PLXDC2: variants seen among roughly 807,000 people sequenced by gnomAD.
PLXDC2 encodes plexin domain containing 2.
PLXDC2 carries 40 observed loss-of-function variants against 68.9 expected under a neutral mutation model. That is an observed-to-expected ratio of 0.58 (90% CI 0.45 to 0.76). The LOEUF (loss-of-function observed/expected upper bound fraction) is 0.76. Among genes scored for constraint, PLXDC2 ranks in the 30% least tolerant of loss-of-function variants. PLXDC2 has a pLI of 0.00. For synonymous variants in PLXDC2, 243 were observed against 234.2 expected (o/e 1.04, Z -0.34); for missense variants, 644 against 661.9 (o/e 0.97, Z 0.30).
chr10:19,894,671 G>A (rs1716237077), intron 1 of PLXDC2, among the ~76,000 whole-genome samples: 1 of 151,760 alleles, frequency 6.6e-6, no homozygotes, highest in Non-Finnish European at 1.5e-5. Context: ...TAAAGTTCTG[G>A]CATACAAATG....
Position 20,156,137 on chromosome 10 carries a change from A to G in PLXDC2, c.783+8235A>G, listed in dbSNP as rs143121114. ...TTTAAGTCCCAAGCCATGTTTAGAT[A>G]AGTTTCCTTATCTAGCTATTGTCCC... On this transcript the variant is annotated intron_variant, in intron 6 of 13. Transcript: ENST00000377252. Among the ~76,000 whole-genome samples, 78 of 152,178 alleles carry G rather than the reference A, an allele frequency of 5.1e-4. 3 individuals are homozygous for G. The East Asian group carries it at 0.013, about 25-fold the overall frequency.
intron 1 of PLXDC2, among the ~76,000 whole-genome samples, chr10:19,910,074 T>C (rs1833238821): frequency 6.6e-6 from 1 of 152,066 alleles, no homozygotes; most frequent in African/African-American, 2.4e-5. Context: ...GGTGATGTTA[T>C]AATTTTTGAA....
chr10:20,050,957 C>T (rs1353099632), intron 3 of PLXDC2, among the ~76,000 whole-genome samples: 1 of 152,014 alleles, frequency 6.6e-6, no homozygotes, highest in Non-Finnish European at 1.5e-5. Flanking sequence ...CAGCACTATT[C>T]ACAAAAGCAA....
rs780691335 is a variant in PLXDC2 at position 20,147,915 on chromosome 10, T to C, written c.783+13T>C. 13 of 1,547,078 alleles carry C rather than the reference T, an allele frequency of 8.4e-6. No individual in the cohort carries two copies. In the South Asian group the frequency reaches 1.2e-4, roughly 15 times the overall value. ...TGGATACAAAGAAGTAAGTGATGCG[T>C]TGATAATTTCTTTCCCTTCCCCTTG... On this transcript the variant is annotated intron_variant, in intron 6 of 13. Transcript: ENST00000377252.
chr10:19,817,633 C>T (rs986342281), intron 1 of PLXDC2, among the ~76,000 whole-genome samples: 3 of 152,164 alleles, frequency 2.0e-5, no homozygotes, highest in Non-Finnish European at 2.9e-5. Context: ...CAGGTCTCCC[C>T]TCTGCACGAG....
At chr10:19,874,118 C>A (rs1321901875) in intron 1 of PLXDC2, among the ~76,000 whole-genome samples, 1 of 152,188 alleles carries the variant, frequency 6.6e-6, no homozygotes, top group East Asian at 1.9e-4. Context: ...TTCAGCAACA[C>A]TTACGATCAC....
intron 4 of PLXDC2, among the ~76,000 whole-genome samples, chr10:20,108,035 C>T (rs1185044002): frequency 1.3e-5 from 2 of 152,116 alleles, no homozygotes; most frequent in African/African-American, 4.8e-5. Flanking sequence ...GACTCCTTTA[C>T]ATAGATATCA....
intron 12 of PLXDC2, among the ~76,000 whole-genome samples, chr10:20,234,996 C>T (rs1335915943): frequency 1.3e-5 from 2 of 152,292 alleles, no homozygotes; most frequent in Middle Eastern, 3.4e-3. Flanking sequence ...TCCAAAGAAG[C>T]TGCTTACAGA....
chr10:19,994,312 A>ATTTTTTTTTTTTT (rs869124443), intron 1 of PLXDC2, among the ~76,000 whole-genome samples: 63 of 34,314 alleles, frequency 1.8e-3, no homozygotes, highest in Non-Finnish European at 2.6e-3. Context: ...ACATGATTAA[A>ATTTTTTTTTTTTT]TTTTTTTTTT....
At position 20,110,281 on chromosome 10, in the gene PLXDC2, G is replaced by T. The variant is rs182167822; in HGVS notation, c.542-33014G>T. On this transcript the variant is annotated intron_variant, in intron 4 of 13. Coordinates refer to ENST00000377252, the MANE Select transcript of PLXDC2 (RefSeq NM_032812.9). ...AATGAAGAATAGAAGGCCTGCCCTT[G>T]CCTATCCTGGAGAGAAGACAGGATA... is the stretch of plus-strand genomic sequence containing the variant. Among the ~76,000 whole-genome samples, 9 of 152,230 alleles carry T rather than the reference G, an allele frequency of 5.9e-5. No individual in the cohort carries two copies. The East Asian group carries it at 1.2e-3, about 20-fold the overall frequency.
intron 4 of PLXDC2, among the ~76,000 whole-genome samples, chr10:20,085,917 A>G (rs1264635511): frequency 1.3e-5 from 2 of 152,260 alleles, no homozygotes; most frequent in African/African-American, 4.8e-5. Context: ...GGTTTTAGGC[A>G]TAAATTCCTA....
chr10:20,121,896 T>C (rs1389866373), intron 4 of PLXDC2, among the ~76,000 whole-genome samples: 5 of 152,086 alleles, frequency 3.3e-5, no homozygotes, highest in African/African-American at 7.2e-5. Flanking sequence ...AAGCATGCTG[T>C]GGGATGGGAT....
intron 4 of PLXDC2, among the ~76,000 whole-genome samples, chr10:20,114,965 G>C (rs149319554): frequency 1.5e-3 from 222 of 152,262 alleles, no homozygotes; most frequent in African/African-American, 5.2e-3. Flanking sequence ...AAACTGACCC[G>C]TCTATCCTTA....
intron 1 of PLXDC2, among the ~76,000 whole-genome samples, chr10:19,966,611 T>C (rs1711605992): frequency 1.3e-5 from 2 of 152,070 alleles, no homozygotes; most frequent in African/African-American, 4.8e-5. Flanking sequence ...TTTTGTCTCA[T>C]GAATTTAACA....
chr10:19,895,927 A>C (rs953809201), intron 1 of PLXDC2, among the ~76,000 whole-genome samples: 3 of 152,132 alleles, frequency 2.0e-5, no homozygotes, highest in Non-Finnish European at 4.4e-5. Context: ...CTCTAAAAAA[A>C]TTTTAAAAAG....
At chr10:20,159,400 T>C (rs1834261300) in intron 6 of PLXDC2, among the ~76,000 whole-genome samples, 1 of 152,136 alleles carries the variant, frequency 6.6e-6, no homozygotes, top group Non-Finnish European at 1.5e-5. Flanking sequence ...TAGCAGTGCA[T>C]ACATAATTCT....
chr10:20,159,782 C>A (rs1226522860), intron 6 of PLXDC2, among the ~76,000 whole-genome samples: 1 of 152,156 alleles, frequency 6.6e-6, no homozygotes, highest in Non-Finnish European at 1.5e-5. Context: ...TTCAGTCAAG[C>A]CCTTTACATG....
chr10:19,971,088 T>C (rs1834344082), intron 1 of PLXDC2, among the ~76,000 whole-genome samples: 1 of 152,190 alleles, frequency 6.6e-6, no homozygotes. Context: ...ATTTTAGATA[T>C]GATTTAATAT....
intron 2 of PLXDC2, among the ~76,000 whole-genome samples, chr10:20,013,643 C>T (rs12218391): frequency 0.23 from 34,994 of 151,982 alleles, 4,360 homozygotes; most frequent in East Asian, 0.5. Context: ...ATTTAAAATT[C>T]TATGCTCTGA....
Sources: allele counts gnomAD v4.1 joint callset (sites outside exome capture counted in the v4.1 genomes callset), GRCh38; gene constraint gnomAD v4.1.1; transcripts MANE v1.5; gene names NCBI Gene and HGNC (gene_info 2026-07-23, HGNC 2026-07-21).